Variants in UNC50 observed in about 807,000 individuals in gnomAD.
UNC50 encodes protein unc-50 homolog.
UNC50 carries 24 observed loss-of-function variants against 31.5 expected under a neutral mutation model. The ratio of observed to expected loss-of-function variants is 0.76; its 90% confidence interval spans 0.55 to 1.07. The LOEUF is 1.07. UNC50 is among the 50% of genes least tolerant of loss of function. UNC50 has a pLI of 0.00. For missense variants in UNC50, 245 were observed against 304.2 expected (o/e 0.81, Z 1.45); for synonymous variants, 118 against 114.7 (o/e 1.03, Z -0.18).
In UNC50 at chr2:98,618,191, G is replaced by GTAA. The variant is rs1700968982; in HGVS notation, c.669_671dup (p.Ile224dup). On this transcript the variant is annotated inframe_insertion, in exon 6 of 6. Coordinates refer to ENST00000357765, the MANE Select transcript of UNC50 (RefSeq NM_014044.7). ...AGCATTGCCATTTTTGAAAAATACA[G>GTAA]TAATTCTTCTGTATCCATTTGCACC... 1 of 1,589,222 alleles carries GTAA rather than the reference G, an allele frequency of 6.3e-7. No homozygotes were observed. The highest frequency in any genetic ancestry group is 1.2e-5 in the South Asian group (1 of 86,262).
chr2:98,609,900 A>G lies in UNC50; in HGVS notation c.141A>G (p.Glu47=), dbSNP rs1416080301. 6.2e-7 allele frequency: 1 copy of G among 1,614,168 alleles called. No homozygotes were observed. The highest frequency in any genetic ancestry group is 1.1e-5 in the South Asian group (1 of 91,084). The change falls in exon 2 of 6, where the codon GAA becomes GAG. Residue 47 remains glutamate, a synonymous_variant. Coordinates refer to ENST00000357765, the MANE Select transcript of UNC50 (RefSeq NM_014044.7). ...RLFRFRQMDF[E]FAAWQMLYLF... ...TCCGCTTTCGGCAAATGGACTTTGA[A>G]TTTGCTGCCTGGCAGATGCTCTACC...
At chr2:98,609,343 A>G in intron 1 of UNC50, 1 of 249,324 alleles carries the variant, frequency 4.0e-6, no homozygotes, top group Non-Finnish European at 7.9e-6. Flanking sequence ...TGACCTCTTC[A>G]GTAACACTGT....
intron 3 of UNC50, 56 bp from the exon 4 acceptor site, chr2:98,616,151 A>G (rs1386944931): frequency 1.9e-6 from 3 of 1,547,566 alleles, no homozygotes; most frequent in Non-Finnish European, 2.6e-6. Context: ...GAAAGTCGTC[A>G]GTAAACATTT....
rs767084230 is a variant in UNC50 at position 98,618,274 on chromosome 2, C to T, written c.750C>T (p.Leu250=). The change falls in exon 6 of 6, where the codon CTC becomes CTT. Residue 250 remains leucine, a synonymous_variant. Transcript: ENST00000357765. ...TGGGATGGAACTTCACCCATACTCT[C>T]TGTTCTTTCTATAAGTACAGAGTGA... is the stretch of plus-strand genomic sequence containing the variant. The part of the protein sequence containing the change: ...LALGWNFTHT[L]CSFYKYRVK 1.2e-6 allele frequency: 2 copies of T among 1,607,390 alleles called. No homozygotes were observed. Among genetic ancestry groups the T allele is most frequent in the Admixed American group, 3.5e-5 (2 of 57,964 alleles).
intron 3 of UNC50, among the ~76,000 whole-genome samples, chr2:98,613,730 G>A (rs1276219222): frequency 6.6e-6 from 1 of 152,220 alleles, no homozygotes; most frequent in African/African-American, 2.4e-5. Flanking sequence ...TCAGCCTGGA[G>A]TTTAGCACAT....
At chr2:98,617,782 G>A (rs1321975692) in intron 5 of UNC50, among the ~76,000 whole-genome samples, 5 of 152,054 alleles carry the variant, frequency 3.3e-5, no homozygotes, top group African/African-American at 4.8e-5. Flanking sequence ...TTCCTATAAC[G>A]CCATCCATCT....
rs1368448845 is a variant in UNC50, at chr2:98,618,460, C to T, written c.*156C>T. ...TATATATTAACACTGTGGTCAGGTA[C>T]ATTCCTTAAAACTAATTAAATGTAC... On this transcript the variant is annotated 3_prime_UTR_variant, in exon 6 of 6. Coordinates refer to ENST00000357765, the MANE Select transcript of UNC50 (RefSeq NM_014044.7). 2 of 608,034 alleles carry T rather than the reference C, an allele frequency of 3.3e-6. No homozygotes were observed. Among genetic ancestry groups the T allele is most frequent in the Non-Finnish European group, 4.9e-6 (2 of 407,892 alleles). 37.7% of individuals were successfully genotyped at this position (608,034 alleles called of 1,614,324 possible). A position where few individuals can be genotyped will look rare whatever the true frequency, so the allele number is the denominator to read the frequency against.
chr2:98,618,438 ATAT>A lies in UNC50; in HGVS notation c.*137_*139del. The A allele has an allele frequency of 1.2e-6, 1 of 816,534 alleles. No individual in the cohort carries two copies. Among genetic ancestry groups the A allele is most frequent in the Non-Finnish European group, 1.7e-6 (1 of 578,500 alleles). The allele number at this position is 816,534 out of a possible 1,614,324, so 50.6% of individuals were successfully genotyped here. ...AAAGTTTGCAAATTTGAAGAAATATATATTAACACTGTGGTCAGGTACATTCCT... is the reference window on the plus strand; with the variant it reads ...AAAGTTTGCAAATTTGAAGAAATATATAACACTGTGGTCAGGTACATTCCT... On this transcript the variant is annotated 3_prime_UTR_variant, in exon 6 of 6. Transcript: ENST00000357765.
chr2:98,610,689 C>G (rs1034193486), intron 2 of UNC50, 86 bp from the exon 3 acceptor site: 3 of 1,519,266 alleles, frequency 2.0e-6, no homozygotes, highest in Non-Finnish European at 1.8e-6. Context: ...TCCCACTAGC[C>G]TGGGCATCTG....
chr2:98,617,952 C>A (rs1426233042), intron 5 of UNC50, among the ~76,000 whole-genome samples: 1 of 152,076 alleles, frequency 6.6e-6, no homozygotes, highest in African/African-American at 2.4e-5. Context: ...TAATTCCTCT[C>A]CTAGGTTTCT....
chr2:98,610,162 C>G lies in UNC50; in HGVS notation c.280+123C>G, dbSNP rs189299913. The G allele has an allele frequency of 3.8e-6, 4 of 1,045,178 alleles. No homozygotes were observed. The African/African-American group carries it at 6.5e-5, about 17-fold the overall frequency. 64.7% of individuals were successfully genotyped at this position (1,045,178 alleles called of 1,614,324 possible). On this transcript the variant is annotated intron_variant, in intron 2 of 5. Coordinates refer to ENST00000357765, the MANE Select transcript of UNC50 (RefSeq NM_014044.7). ...AACTATTTCTCCTTTTTACTGAAGCCTCAAAAAATCTCACAGGAAAGAAAG... is the reference window on the plus strand; with the variant it reads ...AACTATTTCTCCTTTTTACTGAAGCGTCAAAAAATCTCACAGGAAAGAAAG...
In UNC50 at chr2:98,618,299, A is replaced by AAAT. The variant is rs1468997196; in HGVS notation, c.778_780dup. 6.3e-7 allele frequency: 1 copy of AAAT among 1,589,728 alleles called. No individual in the cohort carries two copies. The highest frequency in any genetic ancestry group is 1.9e-5 in the Admixed American group (1 of 52,306). On this transcript the variant is annotated stop_gained and inframe_insertion, in exon 6 of 6. Transcript: ENST00000357765. LOFTEE classifies it high-confidence loss of function. ...CTGTTCTTTCTATAAGTACAGAGTG[A>AAAT]AATAAAAAGTGAGAAGAAGATTCAA...
In UNC50 at chr2:98,616,960, T is replaced by TGAA. The variant is rs1172822367; in HGVS notation, c.643+429_643+431dup. On this transcript the variant is annotated intron_variant, in intron 5 of 5. Coordinates refer to ENST00000357765, the MANE Select transcript of UNC50 (RefSeq NM_014044.7). ...CATCTTGTTACATAGGTCTATGAACTGAAGTTCTCTAAAGCCTTTTGAATC... is the reference window on the plus strand; with the variant it reads ...CATCTTGTTACATAGGTCTATGAACTGAAGAAGTTCTCTAAAGCCTTTTGAATC... Among the ~76,000 whole-genome samples, 5 of 152,202 alleles carry TGAA rather than the reference T, an allele frequency of 3.3e-5. No individual in the cohort carries two copies. The East Asian group carries it at 9.6e-4, about 29-fold the overall frequency.
At position 98,608,622 on chromosome 2, in the gene UNC50, C is replaced by T. The variant is rs1424367167; in HGVS notation, c.-109C>T. On this transcript the variant is annotated 5_prime_UTR_variant, in exon 1 of 6. Coordinates refer to ENST00000357765, the MANE Select transcript of UNC50 (RefSeq NM_014044.7). ...TGACGCGGCGCGCCCCAAGGGCCGG[C>T]TCCGTTGAGGGAAGGGAAGCCCGCC... 3.4e-6 allele frequency: 2 copies of T among 592,482 alleles called. No individual in the cohort carries two copies. Among genetic ancestry groups the T allele is most frequent in the South Asian group, 2.0e-5 (1 of 50,734 alleles). 36.7% of individuals were successfully genotyped at this position (592,482 alleles called of 1,614,324 possible).
Position 98,616,328 on chromosome 2 carries a change from C to T in UNC50, c.523C>T (p.Gln175Ter). The part of the protein sequence containing the change: ...YPLLVILHFI[Q>*]LFFINHVILT... ...ACTCCTGGTCATTTTGCATTTTATC[C>T]AGCTTTTTTTCATCAACCGTAAGTA... The change falls in exon 4 of 6, where the codon CAG becomes TAG. Residue 175 changes from glutamine (Q) to a stop codon, truncating the protein, a stop_gained. Coordinates refer to ENST00000357765, the MANE Select transcript of UNC50 (RefSeq NM_014044.7). LOFTEE classifies it high-confidence loss of function. 1.2e-6 allele frequency: 2 copies of T among 1,613,888 alleles called. No individual in the cohort carries two copies. The highest frequency in any genetic ancestry group is 1.3e-5 in the African/African-American group (1 of 74,976).
At chr2:98,610,695 A>C in intron 2 of UNC50, 80 bp from the exon 3 acceptor site, 1 of 1,538,448 alleles carries the variant, frequency 6.5e-7, no homozygotes. Flanking sequence ...TAGCCTGGGC[A>C]TCTGGAGGGC....
At chr2:98,610,116 T>G in intron 2 of UNC50, 77 bp downstream of exon 2, 1 of 1,410,092 alleles carries the variant, frequency 7.1e-7, no homozygotes, top group South Asian at 1.4e-5. Context: ...GTGTTGTGGG[T>G]CAGAATCTGG....
chr2:98,610,760 G>A lies in UNC50; in HGVS notation c.281-15G>A. 6.2e-6 allele frequency: 10 copies of A among 1,612,832 alleles called. No homozygotes were observed. Among genetic ancestry groups the A allele is most frequent in the Non-Finnish European group, 8.5e-6 (10 of 1,179,554 alleles). ...AGCAGAGTCCCTAAATGAATCTTGT[G>A]AATCTTTCTTTCAGTGTCCACTATA... On this transcript the variant is annotated splice_polypyrimidine_tract_variant and intron_variant, in intron 2 of 5. Transcript: ENST00000357765.
intron 5 of UNC50, among the ~76,000 whole-genome samples, chr2:98,617,448 T>G (rs977321397): frequency 6.6e-6 from 1 of 152,208 alleles, no homozygotes; most frequent in Non-Finnish European, 1.5e-5. Flanking sequence ...TGAAAGTGTT[T>G]TGTGATGAGA....
Sources: allele counts gnomAD v4.1 joint callset (sites outside exome capture counted in the v4.1 genomes callset), GRCh38; gene constraint gnomAD v4.1.1; transcripts MANE v1.5; gene names NCBI Gene and HGNC (gene_info 2026-07-23, HGNC 2026-07-21).